Variants in RBMS1 observed in about 807,000 individuals in gnomAD.
RBMS1 encodes the protein RNA binding motif single stranded interacting protein 1.
In RBMS1, 17 loss-of-function variants were observed where a neutral mutation model predicts 62.3. The observed-to-expected ratio is 0.27, with a 90% confidence interval of 0.19 to 0.41. The LOEUF is 0.41. Ranked by LOEUF, RBMS1 falls within the 10% of genes least tolerant of loss-of-function variation. The probability of loss-of-function intolerance (pLI) is 1.00; values close to 1 mark genes in which losing one functional copy is unlikely to be tolerated. For synonymous variants in RBMS1, 172 were observed against 170.0 expected, an observed-to-expected ratio of 1.01 and a Z score of -0.09; for missense variants, 334 against 504.5, an observed-to-expected ratio of 0.66 and a Z score of 3.24.
intron 1 of RBMS1, among the ~76,000 whole-genome samples, chr2:160,400,494 A>G (rs373268402): frequency 1.8e-4 from 28 of 152,256 alleles, no homozygotes; most frequent in African/African-American, 6.7e-4. Context: ...GTCACATTTA[A>G]TACAGAAATT....
At chr2:160,450,886 A>G (rs1683954935) in intron 1 of RBMS1, among the ~76,000 whole-genome samples, 1 of 152,190 alleles carries the variant, frequency 6.6e-6, no homozygotes, top group Non-Finnish European at 1.5e-5. Context: ...CTAAAACTAG[A>G]AAAAGGACAG....
At chr2:160,282,386 T>C (rs1688146306) in intron 9 of RBMS1, 1 of 1,230,082 alleles carries the variant, frequency 8.1e-7, no homozygotes, top group African/African-American at 1.5e-5. Flanking sequence ...TTGGGGTTGG[T>C]GGTTTCTTGC....
intron 1 of RBMS1, among the ~76,000 whole-genome samples, chr2:160,481,124 C>T (rs1685352982): frequency 1.4e-5 from 2 of 142,404 alleles, no homozygotes; most frequent in East Asian, 2.0e-4. Context: ...AAGAACCACA[C>T]AAACATGTTC....
chr2:160,287,390 C>T (rs1348083764), intron 6 of RBMS1, among the ~76,000 whole-genome samples: 2 of 152,170 alleles, frequency 1.3e-5, no homozygotes, highest in Admixed American at 6.5e-5. Flanking sequence ...TCCAATTCCA[C>T]CTCTGGACCG....
At chr2:160,301,830 T>C (rs1220280629) in intron 5 of RBMS1, among the ~76,000 whole-genome samples, 1 of 152,204 alleles carries the variant, frequency 6.6e-6, no homozygotes, top group Non-Finnish European at 1.5e-5. Flanking sequence ...TTCTTCTATA[T>C]AAAACAACAT....
At chr2:160,431,304 G>A (rs932530092) in intron 1 of RBMS1, among the ~76,000 whole-genome samples, 5 of 151,484 alleles carry the variant, frequency 3.3e-5, no homozygotes, top group African/African-American at 1.2e-4. Context: ...GATCCAGACC[G>A]AATCAACCTA....
At chr2:160,398,728 TG>T (rs1695277100) in intron 1 of RBMS1, among the ~76,000 whole-genome samples, 2 of 152,186 alleles carry the variant, frequency 1.3e-5, no homozygotes, top group South Asian at 4.1e-4. Flanking sequence ...ATAGAAAGGC[TG>T]GGTTTTTCCT....
chr2:160,305,416 G>C (rs1311760145), intron 4 of RBMS1, among the ~76,000 whole-genome samples: 3 of 152,134 alleles, frequency 2.0e-5, no homozygotes, highest in Non-Finnish European at 4.4e-5. Context: ...ACTGCTAACA[G>C]TATTCAGTAC....
intron 1 of RBMS1, among the ~76,000 whole-genome samples, chr2:160,426,297 A>AGAAAGAAAAGAAAGAAG: frequency 1.8e-5 from 1 of 56,102 alleles, no homozygotes; most frequent in Admixed American, 1.9e-4. Context: ...AAGAAAAGAA[A>AGAAAGAAAAGAAAGAAG]GAAGGAAGGA....
At chr2:160,400,989 T>G (rs1010485433) in intron 1 of RBMS1, among the ~76,000 whole-genome samples, 1 of 152,222 alleles carries the variant, frequency 6.6e-6, no homozygotes, top group African/African-American at 2.4e-5. Context: ...GGTTTCGTTT[T>G]GTTTTGTTTT....
chr2:160,311,232 C>CTATATCTATATATATATA (rs1689865559), intron 4 of RBMS1, among the ~76,000 whole-genome samples: 1 of 79,250 alleles, frequency 1.3e-5, no homozygotes, highest in African/African-American at 4.4e-5. Flanking sequence ...ATCTATCTAT[C>CTATATCTATATATATATA]TATATATATA....
intron 1 of RBMS1, among the ~76,000 whole-genome samples, chr2:160,421,630 C>A (rs1410629544): frequency 6.6e-6 from 1 of 152,130 alleles, no homozygotes; most frequent in Non-Finnish European, 1.5e-5. Context: ...GTCTTTATAG[C>A]AGCATGATTT....
chr2:160,312,274 G>A (rs1385493631), intron 4 of RBMS1, among the ~76,000 whole-genome samples: 2 of 152,098 alleles, frequency 1.3e-5, no homozygotes, highest in African/African-American at 4.8e-5. Context: ...CTAATGCAAA[G>A]AGAAGGACAC....
At chr2:160,309,930 G>A (rs79401664) in intron 4 of RBMS1, among the ~76,000 whole-genome samples, 1,919 of 152,288 alleles carry the variant, frequency 0.013, 28 homozygotes, top group Middle Eastern at 0.061. Flanking sequence ...AGAAGCTTCA[G>A]CTGAAGATTC....
chr2:160,462,542 A>G (rs1381377480), intron 1 of RBMS1, among the ~76,000 whole-genome samples: 1 of 152,204 alleles, frequency 6.6e-6, no homozygotes, highest in Non-Finnish European at 1.5e-5. Flanking sequence ...TCTGAACAAG[A>G]AGAATATTTG....
intron 1 of RBMS1, among the ~76,000 whole-genome samples, chr2:160,460,253 G>A (rs906398714): frequency 6.6e-6 from 1 of 152,218 alleles, no homozygotes; most frequent in Admixed American, 6.5e-5. Flanking sequence ...CACCAAGTCA[G>A]AGGAACAGGA....
chr2:160,383,994 G>C (rs1009719817), intron 1 of RBMS1, among the ~76,000 whole-genome samples: 3 of 152,118 alleles, frequency 2.0e-5, no homozygotes, highest in South Asian at 2.1e-4. Flanking sequence ...TCAGGAGATC[G>C]AGACCATCCT....
chr2:160,354,539 C>A (rs1360986965), intron 2 of RBMS1, among the ~76,000 whole-genome samples: 1 of 152,080 alleles, frequency 6.6e-6, no homozygotes, highest in Non-Finnish European at 1.5e-5. Context: ...GTGCTCCTGT[C>A]CAAATGGGCT....
In RBMS1 at chr2:160,346,144, T is replaced by G. The variant is rs181840408; in HGVS notation, c.251+21072A>C. Among the ~76,000 whole-genome samples the G allele has an allele frequency of 2.9e-3, 441 of 152,250 alleles. 2 individuals are homozygous for G. Among genetic ancestry groups the G allele is most frequent in the Non-Finnish European group, 4.3e-3 (291 of 68,014 alleles). On this transcript the variant is annotated intron_variant, in intron 2 of 13. Transcript: ENST00000348849. ...GCCCCTTCTTAAAAAAACTTTTAGCTAGAGCTTTGGCTCTTGACCTCTTTT... is the reference window on the plus strand; with the variant it reads ...GCCCCTTCTTAAAAAAACTTTTAGCGAGAGCTTTGGCTCTTGACCTCTTTT...
Sources: allele counts gnomAD v4.1 joint callset (sites outside exome capture counted in the v4.1 genomes callset), GRCh38; gene constraint gnomAD v4.1.1; transcripts MANE v1.5; gene names NCBI Gene and HGNC (gene_info 2026-07-23, HGNC 2026-07-21).